The following TTN variants were observed in gnomAD, a reference collection of about 807,000 sequenced individuals.
The protein encoded by TTN is connectin.
TTN carries 1,525 observed loss-of-function variants against 3,223.0 expected under a neutral mutation model. That is an observed-to-expected ratio of 0.47 (90% CI 0.45 to 0.49). The LOEUF (loss-of-function observed/expected upper bound fraction) is 0.49, where lower values mean the gene tolerates loss of function less well. TTN is among the 20% of genes least tolerant of loss of function. The pLI is 0.00. For missense variants in TTN, 40,786 were observed against 43,424.0 expected (o/e 0.94, Z 5.40); for synonymous variants, 14,094 against 15,161.0 (o/e 0.93, Z 5.17).
chr2:178,588,507 T>G, intron 304 of TTN, 31 bp downstream of exon 304: 1 of 1,504,400 alleles, frequency 6.6e-7, no homozygotes. Flanking sequence ...TAAGAGTTGC[T>G]GTAATATCAG....
chr2:178,733,659 T>C lies in TTN; in HGVS notation c.15730A>G (p.Asn5244Asp), dbSNP rs2080941316. The C allele has an allele frequency of 6.2e-7, 1 of 1,612,840 alleles. No individual in the cohort carries two copies. Among genetic ancestry groups the C allele is most frequent in the Admixed American group, 1.7e-5 (1 of 59,982 alleles). The part of the protein sequence containing the change: ...FGGKYTCLAE[N>D]EAGSQTSVGE... ...ACAGATGTTTGGCTTCCAGCTTCATTTTCAGCCAGGCACGTGTATTTGCCT... is the reference window on the plus strand; with the variant it reads ...ACAGATGTTTGGCTTCCAGCTTCATCTTCAGCCAGGCACGTGTATTTGCCT... Residue 5244 changes from asparagine to aspartate, a missense_variant, in exon 53 of 363, where the codon AAT becomes GAT. Physicochemically the swap from Asn to Asp is conservative, Grantham distance 23 (BLOSUM62 1). Coordinates refer to ENST00000589042, the MANE Select transcript of TTN (RefSeq NM_001267550.2).
In TTN at chr2:178,773,190, G is replaced by T; in HGVS notation, c.7774C>A (p.Leu2592Ile). The change falls in exon 33 of 363, where the codon CTA becomes ATA. Residue 2592 changes from leucine to isoleucine, a missense_variant. Leu to Ile is a conservative substitution (Grantham distance 5). Transcript: ENST00000589042. ...CCTTCATCATCTTTCATCATATTTA[G>T]AACTGTCAATTTATATATTTTTCCA... ...AHGKIYKLTV[L>I]NMMKDDEGKY... 6.2e-7 allele frequency: 1 copy of T among 1,613,574 alleles called. No individual in the cohort carries two copies. Among genetic ancestry groups the T allele is most frequent in the Non-Finnish European group, 8.5e-7 (1 of 1,179,832 alleles).
chr2:178,723,895 C>T lies in TTN; in HGVS notation c.21364G>A (p.Ala7122Thr), dbSNP rs201394117. ...ACTGCACGACATTCATCAGACCCAG[C>T]GACATTAGCAGCCACGCATGTGTAA... The part of the protein sequence containing the change: ...GNYTCVAANV[A>T]GSDECRAVLT... Residue 7122 changes from alanine (A) to threonine (T), a missense_variant, in exon 73 of 363, where the codon GCT becomes ACT. Transcript: ENST00000589042. 577 of 1,612,896 alleles carry T rather than the reference C, an allele frequency of 3.6e-4. No homozygotes were observed. Among genetic ancestry groups the T allele is most frequent in the Non-Finnish European group, 4.1e-4 (483 of 1,179,168 alleles).
At chr2:178,727,429 A>G (rs761984418) in intron 68 of TTN, 58 bp from the exon 69 acceptor site, 53 of 1,515,614 alleles carry the variant, frequency 3.5e-5, no homozygotes, top group Non-Finnish European at 4.6e-5. Context: ...CAATAGTTAA[A>G]TTAGATAGTA....
rs1418028512 is a variant in TTN, at chr2:178,577,356, G to T, written c.68979C>A (p.Ile22993=). ...KAGKDIRPSD[I]TQITSTPTSS... ...ATGTTGGGGTTGAAGTTATCTGAGTGATATCTGATGGTCTAATGTCTTTTC... is the reference window on the plus strand; with the variant it reads ...ATGTTGGGGTTGAAGTTATCTGAGTTATATCTGATGGTCTAATGTCTTTTC... Residue 22993 remains isoleucine (I), a synonymous_variant, in exon 324 of 363, where the codon ATC becomes ATA. Transcript: ENST00000589042. 4 of 1,612,868 alleles carry T rather than the reference G, an allele frequency of 2.5e-6. No homozygotes were observed. Among genetic ancestry groups the T allele is most frequent in the Non-Finnish European group, 3.4e-6 (4 of 1,179,476 alleles).
Position 178,615,484 on chromosome 2 carries a change from G to A in TTN, c.48461C>T (p.Thr16154Met), listed in dbSNP as rs771120250. 28 of 1,610,246 alleles carry A rather than the reference G, an allele frequency of 1.7e-5. No individual in the cohort carries two copies. The Admixed American group carries it at 2.5e-4, about 14-fold the overall frequency. The change falls in exon 259 of 363, where the codon ACG becomes ATG. Residue 16154 changes from threonine (T) to methionine (M), a missense_variant and splice_region_variant. Coordinates refer to ENST00000589042, the MANE Select transcript of TTN (RefSeq NM_001267550.2). ...AACATTCTCTGGTGGGTCAGGTACC[G>A]CTACAACATTTGGAAGAGAGAGTCA... ...DEPVNMSTPA[T>M]VPDPPENVKW...
Position 178,769,866 on chromosome 2 carries a change from C to T in TTN, c.8715G>A (p.Val2905=), listed in dbSNP as rs1462209116. 3 of 1,614,090 alleles carry T rather than the reference C, an allele frequency of 1.9e-6. No individual in the cohort carries two copies. The highest frequency in any genetic ancestry group is 1.3e-5 in the African/African-American group (1 of 75,032). The change falls in exon 37 of 363, where the codon GTG becomes GTA. Residue 2905 remains valine (V), a synonymous_variant. Transcript: ENST00000589042. ...ETKTASFECE[V]SHFNVPSMWL... Reference sequence around the variant, plus strand: ...ACATGGAAGGGACATTGAAGTGGGACACCTCACACTCAAAAGAGGCAGTTT... The same window carrying T: ...ACATGGAAGGGACATTGAAGTGGGATACCTCACACTCAAAAGAGGCAGTTT...
At chr2:178,587,002 A>G in intron 307 of TTN, 116 bp downstream of exon 307, 1 of 1,418,490 alleles carries the variant, frequency 7.0e-7, no homozygotes. Context: ...TTATTACACT[A>G]TTTCGGTCTC....
intron 359 of TTN, among the ~76,000 whole-genome samples, chr2:178,529,654 T>C (rs888967795): frequency 1.3e-5 from 2 of 152,254 alleles, no homozygotes; most frequent in African/African-American, 4.8e-5. Flanking sequence ...TTTAGGCAAG[T>C]AGTGCCATTT....
At position 178,707,713 on chromosome 2, in the gene TTN, T is replaced by C. The variant is rs2076086713; in HGVS notation, c.28854A>G (p.Pro9618=). The C allele has an allele frequency of 1.9e-6, 3 of 1,613,872 alleles. No homozygotes were observed. Among genetic ancestry groups the C allele is most frequent in the Non-Finnish European group, 2.5e-6 (3 of 1,179,858 alleles). ...QLSCHVQGSE[P]IRIQWLKAGR... ...CAGCCTTCAACCACTGGATCCTAAT[T>C]GGCTCAGATCCCTGGACATGGCAGC... Residue 9618 remains proline (P), a synonymous_variant, in exon 100 of 363, where the codon CCA becomes CCG. Coordinates refer to ENST00000589042, the MANE Select transcript of TTN (RefSeq NM_001267550.2).
chr2:178,558,794 C>G, intron 326 of TTN, 157 bp from the exon 327 acceptor site: 1 of 765,758 alleles, frequency 1.3e-6, no homozygotes, highest in Non-Finnish European at 2.0e-6. Flanking sequence ...GCTTCTGAAC[C>G]AACCAAGGCT....
chr2:178,764,376 T>C (rs1348504901), intron 42 of TTN, 74 bp from the exon 43 acceptor site: 4 of 1,612,436 alleles, frequency 2.5e-6, no homozygotes, highest in African/African-American at 2.7e-5. Flanking sequence ...CATGTAGGTT[T>C]ATCTTAATTT....
In TTN at chr2:178,748,289, A is replaced by T. The variant is rs777880511; in HGVS notation, c.11311+4835T>A. On this transcript the variant is annotated intron_variant, in intron 47 of 362. Coordinates refer to ENST00000589042, the MANE Select transcript of TTN (RefSeq NM_001267550.2). Reference sequence around the variant, plus strand: ...TAAGTTTTGTTCCTGTACATGTCGGACTTCTTTTTCTAAAGAAATGGAATT... The same window carrying T: ...TAAGTTTTGTTCCTGTACATGTCGGTCTTCTTTTTCTAAAGAAATGGAATT... 6 of 1,612,850 alleles carry T rather than the reference A, an allele frequency of 3.7e-6. No homozygotes were observed. In the East Asian group the frequency reaches 1.3e-4, roughly 36 times the overall value.
In TTN at chr2:178,775,027, A is replaced by G; in HGVS notation, c.6684T>C (p.Val2228=). 1 of 1,614,016 alleles carries G rather than the reference A, an allele frequency of 6.2e-7. No homozygotes were observed. The highest frequency in any genetic ancestry group is 8.5e-7 in the Non-Finnish European group (1 of 1,179,944). ...DKYRMHSDRK[V]HFLSILTIDT... is the part of the protein sequence containing the mutation. ...CAATGGTCAGTATGGAGAGGAAGTG[A>G]ACCTTTCTGTCAGAGTGCATCCTGT... Residue 2228 remains valine (V), a synonymous_variant, in exon 29 of 363, where the codon GTT becomes GTC. Transcript: ENST00000589042.
rs755516123 is a variant in TTN at position 178,723,592 on chromosome 2, A to G, written c.21508T>C (p.Trp7170Arg). 1.2e-6 allele frequency: 2 copies of G among 1,613,280 alleles called. No individual in the cohort carries two copies. The highest frequency in any genetic ancestry group is 1.7e-6 in the Non-Finnish European group (2 of 1,179,552). Residue 7170 changes from tryptophan (W) to arginine (R), a missense_variant, in exon 74 of 363, where the codon TGG (tryptophan) becomes CGG (arginine). Coordinates refer to ENST00000589042, the MANE Select transcript of TTN (RefSeq NM_001267550.2). ...IRGTPPFKVN[W>R]FRGARELVKG... ...ACTAGTTCTCTGGCACCTCTGAACC[A>G]GTTGACTTTGAATGGAGGGGTTCCT...
chr2:178,684,130 C>T, intron 132 of TTN, 48 bp from the exon 133 acceptor site: 2 of 1,590,504 alleles, frequency 1.3e-6, no homozygotes, highest in Admixed American at 1.7e-5. Flanking sequence ...TCTTTCAAAC[C>T]ACAAAAAGGC....
Position 178,554,211 on chromosome 2 carries a change from G to A in TTN, c.88900C>T (p.Pro29634Ser). The change falls in exon 333 of 363, where the codon CCT becomes TCT. Residue 29634 changes from proline (P) to serine (S), a missense_variant. Physicochemically the swap from Pro to Ser is moderately conservative, Grantham distance 74. Coordinates refer to ENST00000589042, the MANE Select transcript of TTN (RefSeq NM_001267550.2). ...SVVAKNAFVTPGPPGIPEVTK... is the reference protein window; with the variant it reads ...SVVAKNAFVTSGPPGIPEVTK... ...ACTTCTGGTATGCCTGGTGGCCCAG[G>A]TGTAACTATTTAGAAAGGAAGGGAA... 1 of 1,583,596 alleles carries A rather than the reference G, an allele frequency of 6.3e-7. No individual in the cohort carries two copies. The highest frequency in any genetic ancestry group is 1.2e-5 in the South Asian group (1 of 85,188).
intron 242 of TTN, among the ~76,000 whole-genome samples, chr2:178,623,719 G>C (rs922065742): frequency 2.0e-5 from 3 of 152,030 alleles, no homozygotes; most frequent in African/African-American, 7.2e-5. Context: ...CAGATGGGAA[G>C]CAACCAAACC....
rs773546767 is a variant in TTN at position 178,722,933 on chromosome 2, C to G, written c.21966G>C (p.Pro7322=). Residue 7322 remains proline (P), a synonymous_variant, in exon 76 of 363, where the codon CCG becomes CCC. Transcript: ENST00000589042. The part of the protein sequence containing the change: ...VCGALVSTLE[P]PYFVTELEPL... ...GTTCCAGTTCCGTAACAAAATAAGG[C>G]GGTTCTAAGGAAGAAAGGCTCACAG... 6.2e-7 allele frequency: 1 copy of G among 1,608,980 alleles called. No individual in the cohort carries two copies. The highest frequency in any genetic ancestry group is 8.5e-7 in the Non-Finnish European group (1 of 1,177,480).
Sources: gnomAD v4.1 joint callset for allele counts (sites outside exome capture counted in the v4.1 genomes callset) on GRCh38, gnomAD v4.1.1 for gene constraint, MANE v1.5 for transcripts, NCBI Gene and HGNC (gene_info 2026-07-23, HGNC 2026-07-21) for gene names.